HPSE2: variants seen among roughly 807,000 people sequenced by gnomAD.
HPSE2 encodes heparanase 2 (inactive).
HPSE2 carries 38 observed loss-of-function variants against 60.5 expected under a neutral mutation model. That is an observed-to-expected ratio of 0.63 (90% CI 0.48 to 0.82). The LOEUF (loss-of-function observed/expected upper bound fraction) is 0.82. Ranked by LOEUF, HPSE2 falls within the 40% of genes least tolerant of loss-of-function variation. The probability of loss-of-function intolerance (pLI) is 0.00; values close to 1 mark genes in which losing one functional copy is unlikely to be tolerated. For synonymous variants in HPSE2, 295 were observed against 293.2 expected (o/e 1.01, Z -0.06); for missense variants, 713 against 740.4 (o/e 0.96, Z 0.43).
intron 9 of HPSE2, among the ~76,000 whole-genome samples, chr10:98,499,366 C>G (rs1278207619): frequency 6.6e-6 from 1 of 152,124 alleles, no homozygotes; most frequent in Non-Finnish European, 1.5e-5. Flanking sequence ...TGAAACAAAA[C>G]AATTATCAGT....
the HPSE2 span, among the ~76,000 whole-genome samples, chr10:99,297,082 G>A: frequency 6.6e-6 from 1 of 152,208 alleles, no homozygotes; most frequent in Non-Finnish European, 1.5e-5. Context: ...CATCAGAAGA[G>A]CAAGCAGCCA....
At chr10:98,488,019 T>C (rs77999328) in intron 10 of HPSE2, among the ~76,000 whole-genome samples, 4,118 of 152,316 alleles carry the variant, frequency 0.027, 133 homozygotes, top group African/African-American at 0.072. Flanking sequence ...TAGGGTCACA[T>C]GTAGAACGGA....
chr10:98,727,960 T>C (rs1053451149), intron 4 of HPSE2, among the ~76,000 whole-genome samples: 2 of 151,898 alleles, frequency 1.3e-5, no homozygotes, highest in Non-Finnish European at 2.9e-5. Context: ...CAGCAAACTA[T>C]CCTTGAAAAC....
intron 2 of HPSE2, among the ~76,000 whole-genome samples, chr10:99,179,355 G>A (rs1235299787): frequency 5.9e-5 from 9 of 152,168 alleles, no homozygotes; most frequent in Non-Finnish European, 1.2e-4. Context: ...TGACATGATT[G>A]TATATTTAGA....
chr10:98,480,772 T>C (rs886511693), intron 11 of HPSE2, among the ~76,000 whole-genome samples: 21 of 152,254 alleles, frequency 1.4e-4, no homozygotes, highest in Admixed American at 1.0e-3. Context: ...CTGAAAACAT[T>C]CCTCTTTGGA....
chr10:98,576,081 A>G (rs919668899), intron 9 of HPSE2, among the ~76,000 whole-genome samples: 1 of 152,212 alleles, frequency 6.6e-6, no homozygotes, highest in Non-Finnish European at 1.5e-5. Context: ...TACTGAAGAA[A>G]TATATGTAAA....
At chr10:98,980,846 A>C (rs1487224365) in intron 3 of HPSE2, among the ~76,000 whole-genome samples, 1 of 152,226 alleles carries the variant, frequency 6.6e-6, no homozygotes, top group Admixed American at 6.5e-5. Flanking sequence ...ATAAACAGTA[A>C]AGACAACATT....
intron 9 of HPSE2, among the ~76,000 whole-genome samples, chr10:98,515,115 G>A (rs580491): frequency 0.95 from 144,632 of 152,170 alleles, 69,159 homozygotes; most frequent in East Asian, 1. Flanking sequence ...GAATCTGAAA[G>A]CTGGGTGGTG....
chr10:98,948,083 T>C (rs898722234), intron 3 of HPSE2, among the ~76,000 whole-genome samples: 5 of 152,050 alleles, frequency 3.3e-5, no homozygotes, highest in African/African-American at 9.7e-5. Context: ...TTCAACACTA[T>C]GGAAAAGAGC....
At chr10:98,924,959 G>A (rs910444530) in intron 3 of HPSE2, among the ~76,000 whole-genome samples, 7 of 152,178 alleles carry the variant, frequency 4.6e-5, no homozygotes, top group African/African-American at 1.7e-4. Context: ...CACAGGCAAT[G>A]GCTGAGCTCA....
chr10:98,485,259 G>A (rs76832947), intron 10 of HPSE2, among the ~76,000 whole-genome samples: 10 of 152,308 alleles, frequency 6.6e-5, no homozygotes, highest in Non-Finnish European at 1.0e-4. Flanking sequence ...GATGAATTGG[G>A]TTTGGGAACC....
At chr10:98,498,691 T>C (rs1941932544) in intron 9 of HPSE2, among the ~76,000 whole-genome samples, 1 of 152,042 alleles carries the variant, frequency 6.6e-6, no homozygotes. Context: ...GGTTAGTTAT[T>C]AAACTAATCA....
chr10:98,808,071 A>AT (rs527607231), intron 3 of HPSE2, among the ~76,000 whole-genome samples: 1 of 152,208 alleles, frequency 6.6e-6, no homozygotes, highest in South Asian at 2.1e-4. Context: ...CTTCTTTGAG[A>AT]TTTTTCACAA....
chr10:98,985,116 A>AT (rs1408752549), intron 3 of HPSE2, among the ~76,000 whole-genome samples: 1 of 152,212 alleles, frequency 6.6e-6, no homozygotes, highest in African/African-American at 2.4e-5. Flanking sequence ...GCACGCCAAC[A>AT]TTCAGACTCA....
chr10:98,585,234 C>T (rs1164102226), intron 9 of HPSE2, among the ~76,000 whole-genome samples: 1 of 151,040 alleles, frequency 6.6e-6, no homozygotes, highest in Non-Finnish European at 1.5e-5. Flanking sequence ...CAAGTTCTAC[C>T]AAAAGCGCTT....
Position 98,797,705 on chromosome 10 carries a change from G to A in HPSE2, c.611-53649C>T, listed in dbSNP as rs147983827. Among the ~76,000 whole-genome samples, 821 of 152,002 alleles carry A rather than the reference G, an allele frequency of 5.4e-3. 5 individuals are homozygous for A. The highest frequency in any genetic ancestry group is 7.0e-3 in the East Asian group (36 of 5,158). ...AAAAAATACAAAAAATTAGCCGAGC[G>A]TGGTGGTGGGCGTCTGTAGTCCCAG... On this transcript the variant is annotated intron_variant, in intron 3 of 11. Transcript: ENST00000370552.
At chr10:99,311,972 C>G in the HPSE2 span, among the ~76,000 whole-genome samples, 1 of 152,210 alleles carries the variant, frequency 6.6e-6, no homozygotes, top group East Asian at 1.9e-4. Context: ...AGAAGATCAA[C>G]CCAGTCATAA....
chr10:98,551,953 T>C (rs1365267889), intron 9 of HPSE2, among the ~76,000 whole-genome samples: 1 of 152,138 alleles, frequency 6.6e-6, no homozygotes, highest in African/African-American at 2.4e-5. Context: ...TTATCATTAA[T>C]ACATTTTTTC....
At chr10:98,717,740 T>C (rs973725868) in intron 5 of HPSE2, among the ~76,000 whole-genome samples, 1 of 151,940 alleles carries the variant, frequency 6.6e-6, no homozygotes, top group African/African-American at 2.4e-5. Context: ...ATAATAGATA[T>C]AATAATAATG....
Sources: gnomAD v4.1 joint callset for allele counts (sites outside exome capture counted in the v4.1 genomes callset) on GRCh38, gnomAD v4.1.1 for gene constraint, MANE v1.5 for transcripts, NCBI Gene and HGNC (gene_info 2026-07-23, HGNC 2026-07-21) for gene names.